Variants in TRIM29 observed in about 807,000 individuals in gnomAD.
TRIM29 encodes the protein tripartite motif-containing protein 29.
In TRIM29, 52 loss-of-function variants were observed where a neutral mutation model predicts 57.3. The ratio of observed to expected loss-of-function variants is 0.91; its 90% confidence interval spans 0.73 to 1.14. TRIM29 has a LOEUF of 1.14. TRIM29 is among the 50% of genes most tolerant of loss of function. The pLI is 0.00. For missense variants in TRIM29, 753 were observed against 774.6 expected, an observed-to-expected ratio of 0.97 and a Z score of 0.33; for synonymous variants, 319 against 316.9, an observed-to-expected ratio of 1.01 and a Z score of -0.07.
intron 1 of TRIM29, chr11:120,128,962 T>C: frequency 7.6e-7 from 1 of 1,311,018 alleles, no homozygotes; most frequent in Non-Finnish European, 9.8e-7. Context: ...TAGGGCTGTG[T>C]TGCAAGCAGC....
chr11:120,128,520 A>T (rs1437911338), intron 1 of TRIM29, 25 bp from the exon 2 acceptor site: 7 of 1,602,804 alleles, frequency 4.4e-6, no homozygotes, highest in Non-Finnish European at 5.9e-6. Flanking sequence ...CCAGGATTGG[A>T]GAAGTCAGGG....
intron 1 of TRIM29, chr11:120,128,703 C>T (rs1863654952): frequency 6.5e-7 from 1 of 1,535,588 alleles, no homozygotes; most frequent in African/African-American, 1.4e-5. Context: ...AAGTTAAATA[C>T]CATCTTGCTG....
chr11:120,133,658 C>T (rs946960920), intron 1 of TRIM29, among the ~76,000 whole-genome samples: 9 of 152,244 alleles, frequency 5.9e-5, no homozygotes, highest in African/African-American at 9.6e-5. Flanking sequence ...CTCCCCTTCC[C>T]GAATCCCAAA....
rs371462179 is a variant in TRIM29, at chr11:120,120,668, G to A, written c.1436-3C>T. The A allele has an allele frequency of 7.4e-6, 12 of 1,613,626 alleles. No individual in the cohort carries two copies. The highest frequency in any genetic ancestry group is 1.0e-5 in the Non-Finnish European group (12 of 1,179,936). On this transcript the variant is annotated splice_polypyrimidine_tract_variant and splice_region_variant and intron_variant, in intron 5 of 8. Transcript: ENST00000341846. The stretch of plus-strand genomic sequence containing the variant: ...CTGGTATGATGTCCGGACCCCACCT[G>A]TGAAGCAGATGAAGGGGGCTGTCAT...
chr11:120,123,761 AG>A, intron 4 of TRIM29: 2 of 326,562 alleles, frequency 6.1e-6, no homozygotes, highest in South Asian at 2.6e-5. Flanking sequence ...GAGCAAGAGG[AG>A]AAATGTGCCT....
At chr11:120,128,364 T>C in intron 2 of TRIM29, 36 bp downstream of exon 2, 1 of 1,599,056 alleles carries the variant, frequency 6.3e-7, no homozygotes, top group Non-Finnish European at 8.5e-7. Context: ...CCAGGTCGGG[T>C]AAGGGAGCAG....
rs146343820 is a variant in TRIM29 at position 120,127,443 on chromosome 11, C to G, written c.1027G>C (p.Val343Leu). Residue 343 changes from valine (V) to leucine (L), a missense_variant, in exon 3 of 9, where the codon GTG (valine) becomes CTG (leucine). Transcript: ENST00000341846. ...TCCAGAGCATCCATGATCACCTTCA[C>G]TTGGTCCACAGCATCCTGCTCCCGC... The part of the protein sequence containing the change: ...EQREQDAVDQ[V>L]KVIMDALDER... 1,409 of 1,614,112 alleles carry G rather than the reference C, an allele frequency of 8.7e-4. No homozygotes were observed. The highest frequency in any genetic ancestry group is 1.0e-3 in the Non-Finnish European group (1,233 of 1,180,044).
In TRIM29 at chr11:120,137,679, G is replaced by A; in HGVS notation, c.353C>T (p.Pro118Leu). 1 of 1,613,588 alleles carries A rather than the reference G, an allele frequency of 6.2e-7. No individual in the cohort carries two copies. Residue 118 changes from proline to leucine, a missense_variant, in exon 1 of 9, where the codon CCC becomes CTC. Coordinates refer to ENST00000341846, the MANE Select transcript of TRIM29 (RefSeq NM_012101.4). This position sits in a 1 kb window ranked among gnomAD's most constrained non-coding sequence, Gnocchi z 6.2. ...CTCGCCCTTTTCGGCAAAGGTAACG[G>A]GTGGCTTCTTGGCAGCCCCCAGCTG... is the stretch of plus-strand genomic sequence containing the variant. ...GLQLGAAKKP[P>L]VTFAEKGELR...
Position 120,137,767 on chromosome 11 carries a change from TGTC to T in TRIM29, c.262_264del (p.Asp88del). On this transcript the variant is annotated inframe_deletion, in exon 1 of 9. Coordinates refer to ENST00000341846, the MANE Select transcript of TRIM29 (RefSeq NM_012101.4). The surrounding 1 kb of genome is among the most constrained non-coding windows in gnomAD (Gnocchi z 6.2). The stretch of plus-strand genomic sequence containing the variant: ...TCCATGCTGAAGTAGTTGGAGTTCT[TGTC>T]GTCCCCGGACTCGACAAACTGGATG... The T allele has an allele frequency of 6.2e-7, 1 of 1,612,318 alleles. No individual in the cohort carries two copies. The highest frequency in any genetic ancestry group is 8.5e-7 in the Non-Finnish European group (1 of 1,180,026).
chr11:120,125,641 G>T, intron 4 of TRIM29, 50 bp downstream of exon 4: 2 of 1,594,896 alleles, frequency 1.3e-6, no homozygotes, highest in South Asian at 1.1e-5. Context: ...GAATTGATTT[G>T]GGAGAGAAAG....
chr11:120,134,925 T>G (rs605374), intron 1 of TRIM29, among the ~76,000 whole-genome samples: 101,981 of 152,116 alleles, frequency 0.67, 34,927 homozygotes, highest in Non-Finnish European at 0.73. Flanking sequence ...TACTACGGTT[T>G]GACGTTAACT....
intron 5 of TRIM29, chr11:120,121,969 G>C (rs1286294914): frequency 4.5e-6 from 2 of 448,492 alleles, no homozygotes; most frequent in East Asian, 7.0e-5. Flanking sequence ...GAGGAGGCAG[G>C]CTGGCCGGCT....
At chr11:120,115,556 G>A (rs545224487) in intron 7 of TRIM29, 142 bp from the exon 8 acceptor site, 130 of 711,454 alleles carry the variant, frequency 1.8e-4, no homozygotes, top group Non-Finnish European at 2.8e-4. Context: ...CTGAACACGC[G>A]TGCAGCAGCC....
chr11:120,138,108 G>T lies in TRIM29; in HGVS notation c.-77C>A. ...GACCTTTCTGGCAGGCGTCTCGGCA[G>T]GGAGTGGGGCAGGCAACCACGAGGA... On this transcript the variant is annotated 5_prime_UTR_variant, in exon 1 of 9. In the 5' UTR this introduces an upstream ATG that the reference lacks. Transcript: ENST00000341846. 6.9e-7 allele frequency: 1 copy of T among 1,447,812 alleles called. No individual in the cohort carries two copies. Among genetic ancestry groups the T allele is most frequent in the Non-Finnish European group, 9.1e-7 (1 of 1,096,534 alleles). The allele number at this position is 1,447,812 out of a possible 1,614,324, so 89.7% of individuals were successfully genotyped here.
chr11:120,130,820 G>A (rs1863707500), intron 1 of TRIM29, among the ~76,000 whole-genome samples: 2 of 152,200 alleles, frequency 1.3e-5, no homozygotes, highest in South Asian at 4.2e-4. Flanking sequence ...AGGTGGGCCC[G>A]GCATTGGCAA....
rs113998333 is a variant in TRIM29 at position 120,121,057 on chromosome 11, G to A, written c.1436-392C>T. On this transcript the variant is annotated intron_variant, in intron 5 of 8. Coordinates refer to ENST00000341846, the MANE Select transcript of TRIM29 (RefSeq NM_012101.4). Reference sequence around the variant, plus strand: ...TCACTTCACAAGTGCTTTCCTTCCCGCACACCTGGGCTCTCACAACAGCCT... The same window carrying A: ...TCACTTCACAAGTGCTTTCCTTCCCACACACCTGGGCTCTCACAACAGCCT... 6.4e-3 allele frequency among the ~76,000 whole-genome samples: 969 copies of A among 152,112 alleles called. 6 individuals carry two copies. Among genetic ancestry groups the A allele is most frequent in the African/African-American group, 0.022 (898 of 41,494 alleles).
Position 120,111,521 on chromosome 11 carries a change from G to A in TRIM29, c.*893C>T, listed in dbSNP as rs1360759355. On this transcript the variant is annotated 3_prime_UTR_variant, in exon 9 of 9. Coordinates refer to ENST00000341846, the MANE Select transcript of TRIM29 (RefSeq NM_012101.4). The stretch of plus-strand genomic sequence containing the variant: ...CAGCCTCTGATGGGGCAACGGCTGA[G>A]GGTGGGGGCAGTGTGTAAGGCACCT... The A allele has an allele frequency of 6.6e-6, 1 of 152,280 alleles. No homozygotes were observed. Among genetic ancestry groups the A allele is most frequent in the African/African-American group, 2.4e-5 (1 of 41,452 alleles). 9.4% of individuals were successfully genotyped at this position (152,280 alleles called of 1,614,324 possible). A position where few individuals can be genotyped will look rare whatever the true frequency, so the allele number is the denominator to read the frequency against.
rs1286406822 is a variant in TRIM29, at chr11:120,112,511, A to G, written c.1705-35T>C. On this transcript the variant is annotated intron_variant, in intron 8 of 8. Transcript: ENST00000341846. ...AAACAAGAGTGGTCAGCGAGGCCAG[A>G]CGACAGATGAGCCTGCTAGCTAGAC... 4 of 1,611,890 alleles carry G rather than the reference A, an allele frequency of 2.5e-6. No individual in the cohort carries two copies. In the East Asian group the frequency reaches 8.9e-5, roughly 36 times the overall value.
chr11:120,128,527 AG>A (rs1402991140), intron 1 of TRIM29, 32 bp from the exon 2 acceptor site: 2 of 1,598,202 alleles, frequency 1.3e-6, no homozygotes, highest in South Asian at 1.1e-5. Flanking sequence ...TGGAGAAGTC[AG>A]GGGGAGGAGA....
Sources: allele counts gnomAD v4.1 joint callset (sites outside exome capture counted in the v4.1 genomes callset), GRCh38; gene constraint gnomAD v4.1.1; non-coding constraint Gnocchi (gnomAD v3.1); transcripts MANE v1.5; gene names NCBI Gene and HGNC (gene_info 2026-07-23, HGNC 2026-07-21).